HERC4: variants seen among roughly 807,000 people sequenced by gnomAD.
HERC4 encodes the protein probable E3 ubiquitin-protein ligase HERC4.
Under a neutral mutation model 124.3 loss-of-function variants are expected in HERC4, and 28 were observed. That is an observed-to-expected ratio of 0.23 (90% CI 0.17 to 0.31). The LOEUF is 0.31. Among genes scored for constraint, HERC4 ranks in the 10% least tolerant of loss-of-function variants. The probability of loss-of-function intolerance (pLI) is 1.00; values close to 1 mark genes in which losing one functional copy is unlikely to be tolerated. For synonymous variants in HERC4, 407 were observed against 421.5 expected, an observed-to-expected ratio of 0.97 and a Z score of 0.42; for missense variants, 713 against 1,229.3, an observed-to-expected ratio of 0.58 and a Z score of 6.28.
intron 15 of HERC4, among the ~76,000 whole-genome samples, chr10:67,976,543 T>TG (rs1462386123): frequency 1.3e-5 from 2 of 151,702 alleles, no homozygotes; most frequent in Non-Finnish European, 2.9e-5. Context: ...CCCAGCTGCA[T>TG]GGACACCAAT....
chr10:68,020,622 A>T (rs939858293), intron 8 of HERC4, among the ~76,000 whole-genome samples: 11 of 151,736 alleles, frequency 7.2e-5, no homozygotes, highest in African/African-American at 2.4e-4. Flanking sequence ...ACAAAAAATT[A>T]GCCGGGCGTA....
In HERC4 at chr10:67,941,715, GT is replaced by G. The variant is rs143235843; in HGVS notation, c.2338-611del. On this transcript the variant is annotated intron_variant, in intron 19 of 24. Transcript: ENST00000373700. ...TTTTTTTGAGATAAAGTCTCCCTCTGTCACCCAGGATGGAGTGCAGTGGTGT... is the reference window on the plus strand; with the variant it reads ...TTTTTTTGAGATAAAGTCTCCCTCTGCACCCAGGATGGAGTGCAGTGGTGT... 0.024 allele frequency among the ~76,000 whole-genome samples: 2,711 copies of G among 113,084 alleles called. 256 individuals are homozygous for G. The East Asian group carries it at 0.35, about 15-fold the overall frequency. 74.2% of individuals were successfully genotyped at this position (113,084 alleles called of 152,430 possible).
At chr10:67,933,930 A>G (rs1018887869) in intron 22 of HERC4, among the ~76,000 whole-genome samples, 7 of 152,192 alleles carry the variant, frequency 4.6e-5, no homozygotes, top group Admixed American at 2.0e-4. Context: ...TTAGGATTAT[A>G]ATCCTTTGGA....
Position 68,034,161 on chromosome 10 carries a change from C to T in HERC4, c.489G>A (p.Gln163=). 1 of 1,613,950 alleles carries T rather than the reference C, an allele frequency of 6.2e-7. No individual in the cohort carries two copies. The highest frequency in any genetic ancestry group is 1.1e-5 in the South Asian group (1 of 91,080). ...CTAAACCCAATTGGCCATATTTATT[C>T]TGTCCCCAACAGAAGACTTCACTTG... is the stretch of plus-strand genomic sequence containing the variant. The part of the protein sequence containing the change: ...SKASEVFCWG[Q]NKYGQLGLGT... The change falls in exon 6 of 25, where the codon CAG becomes CAA. Residue 163 remains glutamine, a synonymous_variant. Coordinates refer to ENST00000373700, the MANE Select transcript of HERC4 (RefSeq NM_015601.4).
chr10:67,940,849 A>G (rs757669110), intron 20 of HERC4, 90 bp downstream of exon 20: 12 of 1,108,158 alleles, frequency 1.1e-5, no homozygotes, highest in Non-Finnish European at 1.4e-5. Flanking sequence ...AGAACAAAAT[A>G]TATTTTTTCA....
chr10:67,955,444 T>C (rs1293613883), intron 17 of HERC4: 1 of 198,092 alleles, frequency 5.0e-6, no homozygotes, highest in Non-Finnish European at 1.0e-5. Flanking sequence ...GAGGGGAGGG[T>C]AAAGAGGGAG....
chr10:67,975,365 C>G (rs1386945050), intron 15 of HERC4, among the ~76,000 whole-genome samples: 1 of 152,044 alleles, frequency 6.6e-6, no homozygotes, highest in Non-Finnish European at 1.5e-5. Context: ...ACCAAGGTCA[C>G]GTAAGTAACA....
chr10:68,019,912 T>A (rs1177320109), intron 8 of HERC4, among the ~76,000 whole-genome samples: 1 of 152,220 alleles, frequency 6.6e-6, no homozygotes, highest in Non-Finnish European at 1.5e-5. Context: ...CCATTCTGGC[T>A]AAAGAGACTT....
chr10:68,059,876 A>T (rs1433333341), intron 3 of HERC4, among the ~76,000 whole-genome samples: 2 of 80,152 alleles, frequency 2.5e-5, no homozygotes, highest in Non-Finnish European at 3.8e-5. Flanking sequence ...ATATTATAAT[A>T]ATATTATATA....
intron 3 of HERC4, among the ~76,000 whole-genome samples, chr10:68,058,531 A>C (rs1365133695): frequency 1.3e-5 from 2 of 152,192 alleles, no homozygotes; most frequent in Non-Finnish European, 2.9e-5. Flanking sequence ...TTTTTCTTCT[A>C]GGCAAACACT....
chr10:68,046,262 C>T (rs533216459), intron 3 of HERC4, among the ~76,000 whole-genome samples: 1 of 152,220 alleles, frequency 6.6e-6, no homozygotes, highest in Admixed American at 6.5e-5. Flanking sequence ...AAGTCAAGTT[C>T]TCTCCAGAAC....
Position 68,009,622 on chromosome 10 carries a change from G to T in HERC4, c.1069+4404C>A, listed in dbSNP as rs190288040. ...TCAGGGTGGTAATTGCTGAAGGCTG[G>T]GGTAGCTGTGGCAATTTCTTAAAAT... On this transcript the variant is annotated intron_variant, in intron 9 of 24. Coordinates refer to ENST00000373700, the MANE Select transcript of HERC4 (RefSeq NM_015601.4). 2.1e-3 allele frequency among the ~76,000 whole-genome samples: 314 copies of T among 152,234 alleles called. 8 individuals carry two copies. The highest frequency in any genetic ancestry group is 0.018 in the Admixed American group (279 of 15,274).
intron 8 of HERC4, among the ~76,000 whole-genome samples, chr10:68,015,585 C>A (rs1200159487): frequency 6.6e-6 from 1 of 152,154 alleles, no homozygotes; most frequent in Non-Finnish European, 1.5e-5. Context: ...GGCAAACTCA[C>A]ACATGCTATT....
Position 68,059,611 on chromosome 10 carries a change from A to ATAT in HERC4, c.226+13269_226+13271dup, listed in dbSNP as rs1414602862. 2.5e-4 allele frequency among the ~76,000 whole-genome samples: 22 copies of ATAT among 88,638 alleles called. 1 individual carries two copies. The highest frequency in any genetic ancestry group is 1.3e-3 in the African/African-American group (22 of 17,166). 58.1% of individuals were successfully genotyped at this position (88,638 alleles called of 152,430 possible). A position where few individuals can be genotyped will look rare whatever the true frequency, so the allele number is the denominator to read the frequency against. On this transcript the variant is annotated intron_variant, in intron 3 of 24. Transcript: ENST00000373700. ...ATCATATTATATATCATAATATTAT[A>ATAT]TATCATAATATTATATATCATAATA...
chr10:68,008,079 GA>G (rs1345100707), intron 9 of HERC4: 32 of 152,348 alleles, frequency 2.1e-4, no homozygotes, highest in African/African-American at 5.8e-4. Context: ...TAAGATCTGG[GA>G]GAATTCCCTG....
intron 24 of HERC4, 36 bp from the exon 25 acceptor site, chr10:67,923,175 A>G (rs1432638800): frequency 6.6e-7 from 1 of 1,507,930 alleles, no homozygotes; most frequent in South Asian, 1.1e-5. Context: ...AACCACTTCA[A>G]AACAAAAAGA....
intron 15 of HERC4, among the ~76,000 whole-genome samples, chr10:67,967,886 T>A (rs990956351): frequency 3.5e-5 from 5 of 144,080 alleles, no homozygotes; most frequent in African/African-American, 1.3e-4. Context: ...TGGCCAAGAA[T>A]CTTCAAAAAG....
chr10:68,013,331 C>T (rs2038078001), intron 9 of HERC4, among the ~76,000 whole-genome samples: 1 of 152,166 alleles, frequency 6.6e-6, no homozygotes, highest in East Asian at 1.9e-4. Flanking sequence ...GCACTATTTG[C>T]TTCATTGCAG....
At chr10:67,978,057 C>T (rs2035703039) in intron 15 of HERC4, among the ~76,000 whole-genome samples, 1 of 151,948 alleles carries the variant, frequency 6.6e-6, no homozygotes, top group Non-Finnish European at 1.5e-5. Context: ...CAGGCAGATC[C>T]TTGAGGTCAG....
Sources: gnomAD v4.1 joint callset for allele counts (sites outside exome capture counted in the v4.1 genomes callset) on GRCh38, gnomAD v4.1.1 for gene constraint, MANE v1.5 for transcripts, NCBI Gene and HGNC (gene_info 2026-07-23, HGNC 2026-07-21) for gene names.